The following ARHGAP15 variants were observed in gnomAD, a reference collection of about 807,000 sequenced individuals.
The protein encoded by ARHGAP15 is Rho GTPase activating protein 15.
A neutral mutation model predicts 63.7 loss-of-function variants in ARHGAP15; 51 were observed. The ratio of observed to expected loss-of-function variants is 0.80; its 90% CI spans 0.64 to 1.01. The LOEUF (loss-of-function observed/expected upper bound fraction) is 1.01. Among genes scored for constraint, ARHGAP15 ranks in the 50% least tolerant of loss-of-function variants. The probability of loss-of-function intolerance (pLI) is 0.00; values close to 1 mark genes in which losing one functional copy is unlikely to be tolerated. For synonymous variants in ARHGAP15, 191 were observed against 193.8 expected (o/e 0.99, Z 0.12); for missense variants, 560 against 564.6 (o/e 0.99, Z 0.08).
intron 6 of ARHGAP15, among the ~76,000 whole-genome samples, chr2:143,401,211 G>A (rs1393998880): frequency 6.6e-6 from 1 of 151,998 alleles, no homozygotes; most frequent in East Asian, 1.9e-4. Flanking sequence ...TTTTGTTTAG[G>A]TGGGGTAGGA....
At chr2:143,724,230 C>A (rs1282922746) in intron 13 of ARHGAP15, among the ~76,000 whole-genome samples, 1 of 152,038 alleles carries the variant, frequency 6.6e-6, no homozygotes, top group African/African-American at 2.4e-5. Context: ...AGCAGAAAAC[C>A]CAAGTTTGCA....
intron 6 of ARHGAP15, among the ~76,000 whole-genome samples, chr2:143,396,501 T>C (rs952410687): frequency 6.6e-6 from 1 of 152,074 alleles, no homozygotes; most frequent in Non-Finnish European, 1.5e-5. Context: ...AACAATTTAA[T>C]GATGCTATGA....
chr2:143,477,189 C>T (rs201939593), intron 8 of ARHGAP15, among the ~76,000 whole-genome samples: 1 of 145,130 alleles, frequency 6.9e-6, no homozygotes, highest in Non-Finnish European at 1.5e-5. Context: ...CACACATGCT[C>T]GCACACACAC....
chr2:143,503,876 T>C (rs142347459), intron 9 of ARHGAP15, among the ~76,000 whole-genome samples: 187 of 152,262 alleles, frequency 1.2e-3, no homozygotes, highest in African/African-American at 4.4e-3. Context: ...GATACAAAGC[T>C]ACACAAAGCA....
chr2:143,342,955 T>C (rs982631933), intron 6 of ARHGAP15, among the ~76,000 whole-genome samples: 1 of 152,132 alleles, frequency 6.6e-6, no homozygotes, highest in African/African-American at 2.4e-5. Flanking sequence ...TGTGTGTGTG[T>C]AAATTAGTAT....
chr2:143,299,148 C>G (rs997844312), intron 6 of ARHGAP15, among the ~76,000 whole-genome samples: 1 of 151,808 alleles, frequency 6.6e-6, no homozygotes, highest in Admixed American at 6.6e-5. Flanking sequence ...AGTTCAAGGT[C>G]TAAAAAATAA....
At chr2:143,163,419 A>G (rs921008526) in intron 2 of ARHGAP15, among the ~76,000 whole-genome samples, 1 of 151,458 alleles carries the variant, frequency 6.6e-6, no homozygotes, top group East Asian at 1.9e-4. Flanking sequence ...GAATATATAC[A>G]TATCTATATA....
intron 6 of ARHGAP15, among the ~76,000 whole-genome samples, chr2:143,385,129 G>T (rs1324435997): frequency 6.6e-6 from 1 of 151,874 alleles, no homozygotes; most frequent in African/African-American, 2.4e-5. Context: ...CACAGTGAGG[G>T]AATAGAGCTT....
intron 6 of ARHGAP15, among the ~76,000 whole-genome samples, chr2:143,403,016 A>G (rs1688053808): frequency 1.3e-5 from 2 of 151,914 alleles, no homozygotes; most frequent in South Asian, 4.1e-4. Context: ...AAAGGATTCA[A>G]GTAAAACCTT....
intron 6 of ARHGAP15, among the ~76,000 whole-genome samples, chr2:143,434,601 G>GT (rs1487657785): frequency 2.6e-5 from 4 of 152,122 alleles, no homozygotes; most frequent in African/African-American, 9.7e-5. Context: ...CTGAGAAGAG[G>GT]TGACTGGCTC....
intron 6 of ARHGAP15, among the ~76,000 whole-genome samples, chr2:143,292,863 GTTGA>G (rs1462359150): frequency 5.9e-5 from 9 of 152,044 alleles, no homozygotes; most frequent in African/African-American, 1.7e-4. Context: ...AGAAGCTATT[GTTGA>G]TTGTTTCTAG....
chr2:143,140,525 TG>T (rs1177354047), intron 1 of ARHGAP15, among the ~76,000 whole-genome samples: 2 of 152,128 alleles, frequency 1.3e-5, no homozygotes, highest in East Asian at 3.9e-4. Context: ...TCTAAATTTT[TG>T]CATGGAGTGG....
chr2:143,642,844 C>A (rs1476030177), intron 12 of ARHGAP15, among the ~76,000 whole-genome samples: 3 of 152,062 alleles, frequency 2.0e-5, no homozygotes, highest in Admixed American at 2.0e-4. Flanking sequence ...AGCCCTGAGA[C>A]CAGGCTGCTG....
intron 13 of ARHGAP15, among the ~76,000 whole-genome samples, chr2:143,749,803 G>C (rs1211416704): frequency 6.6e-6 from 1 of 152,008 alleles, no homozygotes. Context: ...GTATGTACAC[G>C]AAAGAGCACT....
intron 6 of ARHGAP15, among the ~76,000 whole-genome samples, chr2:143,273,419 T>C (rs1364649725): frequency 6.6e-6 from 1 of 152,092 alleles, no homozygotes; most frequent in Non-Finnish European, 1.5e-5. Context: ...ATATCTTAAG[T>C]TAAAGGTGCA....
intron 13 of ARHGAP15, among the ~76,000 whole-genome samples, chr2:143,751,762 G>T (rs527259504): frequency 6.6e-6 from 1 of 152,060 alleles, no homozygotes; most frequent in African/African-American, 2.4e-5. Flanking sequence ...CCCTGTTAAT[G>T]CCCCATCACA....
chr2:143,530,535 TC>T (rs1694478268), intron 10 of ARHGAP15, among the ~76,000 whole-genome samples: 1 of 152,162 alleles, frequency 6.6e-6, no homozygotes, highest in African/African-American at 2.4e-5. Context: ...ACTTTCTGGT[TC>T]AAAATATTAT....
At position 143,323,915 on chromosome 2, in the gene ARHGAP15, A is replaced by AAC. The variant is rs1402098830; in HGVS notation, c.474+73316_474+73317insCA. Among the ~76,000 whole-genome samples the AAC allele has an allele frequency of 2.3e-3, 338 of 149,800 alleles. 4 individuals carry two copies. The highest frequency in any genetic ancestry group is 8.1e-3 in the African/African-American group (326 of 40,228). The stretch of plus-strand genomic sequence containing the variant: ...GTCTCAAAAAAAAAAAAAAAAAAAA[A>AAC]AAAAAAAACACCTAAATAGGCAGAC... On this transcript the variant is annotated intron_variant, in intron 6 of 13. Coordinates refer to ENST00000295095, the MANE Select transcript of ARHGAP15 (RefSeq NM_018460.4).
At chr2:143,131,660 A>G (rs1372046136) in intron 1 of ARHGAP15, among the ~76,000 whole-genome samples, 1 of 152,212 alleles carries the variant, frequency 6.6e-6, no homozygotes, top group Non-Finnish European at 1.5e-5. Flanking sequence ...CACTTAGGGA[A>G]TCTAATAAAA....
Sources: gnomAD v4.1 joint callset for allele counts (sites outside exome capture counted in the v4.1 genomes callset) on GRCh38, gnomAD v4.1.1 for gene constraint, MANE v1.5 for transcripts, NCBI Gene and HGNC (gene_info 2026-07-23, HGNC 2026-07-21) for gene names.